FARSA: variants seen among roughly 807,000 people sequenced by gnomAD.
FARSA encodes phenylalanyl-tRNA synthetase subunit alpha.
Under a neutral mutation model 63.2 loss-of-function variants are expected in FARSA, and 37 were observed. That is an observed-to-expected ratio of 0.59 (90% CI 0.45 to 0.77). FARSA has a LOEUF of 0.77. Among genes scored for constraint, FARSA ranks in the 30% least tolerant of loss-of-function variants. FARSA has a pLI of 0.00. For missense variants in FARSA, 618 were observed against 696.6 expected (o/e 0.89, Z 1.27); for synonymous variants, 312 against 285.1 (o/e 1.09, Z -0.95).
At chr19:12,929,892 A>T (rs1251253612) in intron 4 of FARSA, among the ~76,000 whole-genome samples, 1 of 152,162 alleles carries the variant, frequency 6.6e-6, no homozygotes, top group Non-Finnish European at 1.5e-5. Context: ...GAAAGAAATG[A>T]ACAAGCACCA....
At chr19:12,931,078 T>C (rs748399861) in intron 1 of FARSA, among the ~76,000 whole-genome samples, 1 of 152,226 alleles carries the variant, frequency 6.6e-6, no homozygotes, top group Non-Finnish European at 1.5e-5. Flanking sequence ...GGTGAACTGA[T>C]ATGTCTCCAC....
In FARSA at chr19:12,924,064, T is replaced by C. The variant is rs2145993360; in HGVS notation, c.1388+87A>G. 1 of 960,446 alleles carries C rather than the reference T, an allele frequency of 1.0e-6. No individual in the cohort carries two copies. The highest frequency in any genetic ancestry group is 1.7e-6 in the Non-Finnish European group (1 of 590,926). 59.5% of individuals were successfully genotyped at this position (960,446 alleles called of 1,614,324 possible). On this transcript the variant is annotated intron_variant, in intron 12 of 12. Transcript: ENST00000314606. The surrounding 1 kb of genome is among the most constrained non-coding windows in gnomAD (Gnocchi z 6.4). ...AAGTTTTGTCCATTGGATGAATGAA[T>C]GGGTGGTGCTGAAACCACGCAGGCC... is the stretch of plus-strand genomic sequence containing the variant.
At position 12,924,365 on chromosome 19, in the gene FARSA, A is replaced by G; in HGVS notation, c.1273+84T>C. Reference sequence around the variant, plus strand: ...AGGTGGTGAGCTTGGGAGGTGGGGTACAGGCATGGCAATGGGGGGACCCAG... The same window carrying G: ...AGGTGGTGAGCTTGGGAGGTGGGGTGCAGGCATGGCAATGGGGGGACCCAG... On this transcript the variant is annotated intron_variant, in intron 11 of 12. Transcript: ENST00000314606. The surrounding 1 kb of genome is among the most constrained non-coding windows in gnomAD (Gnocchi z 6.4). The G allele has an allele frequency of 9.8e-6, 15 of 1,538,136 alleles. No individual in the cohort carries two copies. Among genetic ancestry groups the G allele is most frequent in the Non-Finnish European group, 1.3e-5 (14 of 1,115,778 alleles).
rs201655354 is a variant in FARSA at position 12,924,557 on chromosome 19, A to G, written c.1196-31T>C. On this transcript the variant is annotated intron_variant, in intron 10 of 12. Coordinates refer to ENST00000314606, the MANE Select transcript of FARSA (RefSeq NM_004461.3). This position sits in a 1 kb window ranked among gnomAD's most constrained non-coding sequence, Gnocchi z 6.4. ...GGAAGTGGGGGGCGGGCAGGAGAGCAGGGGTTTGGAGGATAATGCTGGTGA... is the reference window on the plus strand; with the variant it reads ...GGAAGTGGGGGGCGGGCAGGAGAGCGGGGGTTTGGAGGATAATGCTGGTGA... 7.6e-5 allele frequency: 123 copies of G among 1,613,100 alleles called. No homozygotes were observed. The East Asian group carries it at 2.7e-3, about 35-fold the overall frequency.
chr19:12,922,989 C>T (rs1971281738), intron 12 of FARSA, 103 bp from the exon 13 acceptor site: 1 of 1,517,718 alleles, frequency 6.6e-7, no homozygotes, highest in East Asian at 2.3e-5. Context: ...TTCAAGTTCT[C>T]CCCATGACCC....
At position 12,933,589 on chromosome 19, in the gene FARSA, C is replaced by A. The variant is rs539081736; in HGVS notation, c.108G>T (p.Ala36=). The change falls in exon 1 of 13, where the codon GCG becomes GCT. Residue 36 remains alanine (A), a synonymous_variant. Coordinates refer to ENST00000314606, the MANE Select transcript of FARSA (RefSeq NM_004461.3). ...LAAELGMEHQ[A]VVGAVKSLQA... is the part of the protein sequence containing the mutation. ...GAAGGCTCTTCACGGCGCCCACCACCGCCTGGTGCTCCATGCCCAGCTCAG... is the reference window on the plus strand; with the variant it reads ...GAAGGCTCTTCACGGCGCCCACCACAGCCTGGTGCTCCATGCCCAGCTCAG... The A allele has an allele frequency of 1.3e-6, 2 of 1,551,056 alleles. No homozygotes were observed. Among genetic ancestry groups the A allele is most frequent in the African/African-American group, 1.4e-5 (1 of 73,482 alleles).
chr19:12,930,617 G>C lies in FARSA; in HGVS notation c.280C>G (p.Leu94Val), dbSNP rs1009454679. ...ATTCACCCCGCAGCTCCTACCATAA[G>C]CTCGCTCTGGGCCAGGCCCTCTGGG... ...IPPEGLAQSELMRLPSGKVGF... is the reference protein window; with the variant it reads ...IPPEGLAQSEVMRLPSGKVGF... The change falls in exon 2 of 13, where the codon CTT (leucine) becomes GTT (valine). Residue 94 changes from leucine (L) to valine (V), a missense_variant. Transcript: ENST00000314606. 9 of 1,610,178 alleles carry C rather than the reference G, an allele frequency of 5.6e-6. No homozygotes were observed. The Middle Eastern group carries it at 6.6e-4, about 118-fold the overall frequency.
At position 12,925,120 on chromosome 19, in the gene FARSA, G is replaced by A. The variant is rs1011163730; in HGVS notation, c.896C>T (p.Thr299Ile). 3 of 1,609,772 alleles carry A rather than the reference G, an allele frequency of 1.9e-6. No individual in the cohort carries two copies. The highest frequency in any genetic ancestry group is 2.7e-5 in the African/African-American group (2 of 74,776). The change falls in exon 8 of 13, where the codon ACC becomes ATC. Residue 299 changes from threonine (T) to isoleucine (I), a missense_variant. Physicochemically the swap from Thr to Ile is moderately conservative, Grantham distance 89. Coordinates refer to ENST00000314606, the MANE Select transcript of FARSA (RefSeq NM_004461.3). ...TGAGCCGTAGCCGCCCTGAGAGTGG[G>A]TCCGCTTGACCCGCTGGACATAGTC... ...PMDYVQRVKR[T>I]HSQGGYGSQG...
intron 7 of FARSA, among the ~76,000 whole-genome samples, chr19:12,927,458 G>A (rs1263477629): frequency 6.6e-6 from 1 of 152,022 alleles, no homozygotes; most frequent in Non-Finnish European, 1.5e-5. Context: ...TTTGGGCTAG[G>A]CGTGGTGCTC....
rs529461262 is a variant in FARSA, at chr19:12,928,289, C to G, written c.841+53G>C. 5 of 1,438,024 alleles carry G rather than the reference C, an allele frequency of 3.5e-6. No individual in the cohort carries two copies. In the African/African-American group the frequency reaches 7.1e-5, roughly 20 times the overall value. 89.1% of individuals were successfully genotyped at this position (1,438,024 alleles called of 1,614,324 possible). A position where few individuals can be genotyped will look rare whatever the true frequency, so the allele number is the denominator to read the frequency against. On this transcript the variant is annotated intron_variant, in intron 7 of 12. Coordinates refer to ENST00000314606, the MANE Select transcript of FARSA (RefSeq NM_004461.3). The stretch of plus-strand genomic sequence containing the variant: ...TGGGATGCCCATCCTGTAAAGGCTC[C>G]GCCGTGGCCTGGTGTCTCTCATGTC...
chr19:12,923,169 T>C (rs977723768), intron 12 of FARSA, among the ~76,000 whole-genome samples: 2 of 152,176 alleles, frequency 1.3e-5, no homozygotes, highest in African/African-American at 4.8e-5. Context: ...GGTTTACCTC[T>C]TTATCTACCT....
chr19:12,924,378 TG>T lies in FARSA; in HGVS notation c.1273+70del. 1.9e-6 allele frequency: 3 copies of T among 1,560,596 alleles called. No individual in the cohort carries two copies. The highest frequency in any genetic ancestry group is 2.2e-5 in the East Asian group (1 of 44,644). On this transcript the variant is annotated intron_variant, in intron 11 of 12. Coordinates refer to ENST00000314606, the MANE Select transcript of FARSA (RefSeq NM_004461.3). This position sits in a 1 kb window ranked among gnomAD's most constrained non-coding sequence, Gnocchi z 6.4. ...GGGAGGTGGGGTACAGGCATGGCAA[TG>T]GGGGGACCCAGGCCAAACCATAGTA...
Position 12,924,968 on chromosome 19 carries a change from T to C in FARSA, c.962A>G (p.Lys321Arg), listed in dbSNP as rs767616044. ...TGTGGTGTGGGTTCGCAGTAGGTTTTTCCGGGCCTCGTCCAGCTTCCAGTT... is the reference window on the plus strand; with the variant it reads ...TGTGGTGTGGGTTCGCAGTAGGTTTCTCCGGGCCTCGTCCAGCTTCCAGTT... ...KYNWKLDEAR[K>R]NLLRTHTTSA... The change falls in exon 9 of 13, where the codon AAA (lysine) becomes AGA (arginine). Residue 321 changes from lysine to arginine, a missense_variant. Coordinates refer to ENST00000314606, the MANE Select transcript of FARSA (RefSeq NM_004461.3). The surrounding 1 kb of genome is among the most constrained non-coding windows in gnomAD (Gnocchi z 6.4). The C allele has an allele frequency of 2.5e-6, 4 of 1,614,220 alleles. No homozygotes were observed. The highest frequency in any genetic ancestry group is 3.4e-6 in the Non-Finnish European group (4 of 1,180,030).
rs762837081 is a variant in FARSA, at chr19:12,928,349, G to C, written c.834C>G (p.Phe278Leu). 1.9e-6 allele frequency: 3 copies of C among 1,613,736 alleles called. No individual in the cohort carries two copies. Among genetic ancestry groups the C allele is most frequent in the Non-Finnish European group, 2.5e-6 (3 of 1,179,860 alleles). The change falls in exon 7 of 13, where the codon TTC becomes TTG. Residue 278 changes from phenylalanine to leucine, a missense_variant. Physicochemically the swap from Phe to Leu is conservative, Grantham distance 22. Transcript: ENST00000314606. Reference sequence around the variant, plus strand: ...CCCTAGGGGCTGACCCACCTCGAAGGAAGAAGGTGTCGTGCTGGTCACGGG... The same window carrying C: ...CCCTAGGGGCTGACCCACCTCGAAGCAAGAAGGTGTCGTGCTGGTCACGGG... Reference protein sequence around the residue: ...HPARDQHDTFFLRDPAEALQL... With the variant: ...HPARDQHDTFLLRDPAEALQL...
At position 12,922,630 on chromosome 19, in the gene FARSA, G is replaced by T. The variant is rs1208276280; in HGVS notation, c.*118C>A. 2 of 1,306,726 alleles carry T rather than the reference G, an allele frequency of 1.5e-6. No homozygotes were observed. Among genetic ancestry groups the T allele is most frequent in the Admixed American group, 2.1e-5 (1 of 47,516 alleles). 80.9% of individuals were successfully genotyped at this position (1,306,726 alleles called of 1,614,324 possible). A position where few individuals can be genotyped will look rare whatever the true frequency, so the allele number is the denominator to read the frequency against. ...TTCTGGTCCTGGGACAGGTGGGAAA[G>T]AGGAAGGTGGGGGCTGGCCTCACAG... On this transcript the variant is annotated 3_prime_UTR_variant, in exon 13 of 13. Coordinates refer to ENST00000314606, the MANE Select transcript of FARSA (RefSeq NM_004461.3).
chr19:12,931,547 C>T (rs905553144), intron 1 of FARSA, among the ~76,000 whole-genome samples: 6 of 152,196 alleles, frequency 3.9e-5, no homozygotes, highest in Admixed American at 2.0e-4. Context: ...AGGCGTGAGC[C>T]GCCGTGCCCG....
Position 12,922,677 on chromosome 19 carries a change from A to C in FARSA, c.*71T>G. 3 of 1,581,472 alleles carry C rather than the reference A, an allele frequency of 1.9e-6. No individual in the cohort carries two copies. The highest frequency in any genetic ancestry group is 2.6e-6 in the Non-Finnish European group (3 of 1,161,372). On this transcript the variant is annotated 3_prime_UTR_variant, in exon 13 of 13. Coordinates refer to ENST00000314606, the MANE Select transcript of FARSA (RefSeq NM_004461.3). ...ACAGAGGCCTCATAAATACAAGGTCACTGGCCAGGGATGCAAAGGAGCGCA... is the reference window on the plus strand; with the variant it reads ...ACAGAGGCCTCATAAATACAAGGTCCCTGGCCAGGGATGCAAAGGAGCGCA...
At position 12,924,419 on chromosome 19, in the gene FARSA, T is replaced by G. The variant is rs752361997; in HGVS notation, c.1273+30A>C. The stretch of plus-strand genomic sequence containing the variant: ...AAACCATAGTAGCCTGAGACCTCCC[T>G]CCCACCCCAGTACCAGGGCCTACCC... On this transcript the variant is annotated intron_variant, in intron 11 of 12. Transcript: ENST00000314606. This position sits in a 1 kb window ranked among gnomAD's most constrained non-coding sequence, Gnocchi z 6.4. The G allele has an allele frequency of 3.7e-6, 6 of 1,609,358 alleles. No homozygotes were observed. In the Admixed American group the frequency reaches 8.3e-5, roughly 22 times the overall value.
At position 12,930,024 on chromosome 19, in the gene FARSA, G is replaced by C. The variant is rs557564100; in HGVS notation, c.503+199C>G. Among the ~76,000 whole-genome samples, 55 of 152,274 alleles carry C rather than the reference G, an allele frequency of 3.6e-4. 1 individual carries two copies. The South Asian group carries it at 0.011, about 31-fold the overall frequency. On this transcript the variant is annotated intron_variant, in intron 4 of 12. Coordinates refer to ENST00000314606, the MANE Select transcript of FARSA (RefSeq NM_004461.3). ...TGAGGAGCCTATCTTGAAGATCAGAGGGAAAACAGTTCTCAGCAGAAGGGT... is the reference window on the plus strand; with the variant it reads ...TGAGGAGCCTATCTTGAAGATCAGACGGAAAACAGTTCTCAGCAGAAGGGT...
Sources: allele counts gnomAD v4.1 joint callset (sites outside exome capture counted in the v4.1 genomes callset), GRCh38; gene constraint gnomAD v4.1.1; non-coding constraint Gnocchi (gnomAD v3.1); transcripts MANE v1.5; gene names NCBI Gene and HGNC (gene_info 2026-07-23, HGNC 2026-07-21).